The following DNAH11 variants were observed in gnomAD, a reference collection of about 807,000 sequenced individuals.
The protein encoded by DNAH11 is axonemal beta dynein heavy chain 11.
In DNAH11, 442 loss-of-function variants were observed where a neutral mutation model predicts 526.0. The observed-to-expected ratio is 0.84, with a 90% CI of 0.78 to 0.91. The LOEUF (loss-of-function observed/expected upper bound fraction) is 0.91, where lower values mean the gene tolerates loss of function less well. DNAH11 is among the 40% of genes least tolerant of loss of function. DNAH11 has a pLI of 0.00. For synonymous variants in DNAH11, 2,461 were observed against 1,935.9 expected (o/e 1.27, Z -7.12); for missense variants, 6,989 against 5,448.7 (o/e 1.28, Z -8.90).
At chr7:21,857,054 T>G (rs1782880074) in intron 68 of DNAH11, among the ~76,000 whole-genome samples, 1 of 152,212 alleles carries the variant, frequency 6.6e-6, no homozygotes, top group Non-Finnish European at 1.5e-5. Context: ...ATGACCTGAT[T>G]ATGTATATAG....
At chr7:21,799,308 A>G (rs1435947717) in intron 61 of DNAH11, among the ~76,000 whole-genome samples, 1 of 151,918 alleles carries the variant, frequency 6.6e-6, no homozygotes, top group Non-Finnish European at 1.5e-5. Context: ...ATAACCCAGA[A>G]TAGACCTGTA....
Position 21,894,640 on chromosome 7 carries a change from T to G in DNAH11, c.12768T>G (p.Asp4256Glu). 1 of 1,613,556 alleles carries G rather than the reference T, an allele frequency of 6.2e-7. No individual in the cohort carries two copies. Residue 4256 changes from aspartate (D) to glutamate (E), a missense_variant, in exon 78 of 82, where the codon GAT becomes GAG. Coordinates refer to ENST00000409508, the MANE Select transcript of DNAH11 (RefSeq NM_001277115.2). ...STEEKVKNVLDDILEKLPEEF... is the reference protein window; with the variant it reads ...STEEKVKNVLEDILEKLPEEF... ...GATTTAAGGTTAAGAATGTCTTGGA[T>G]GACATTTTGGAGAAACTTCCAGAAG...
At chr7:21,805,662 A>G (rs7788531) in intron 62 of DNAH11, among the ~76,000 whole-genome samples, 60,116 of 152,002 alleles carry the variant, frequency 0.4, 12,702 homozygotes, top group East Asian at 0.82. Flanking sequence ...AATGTCTGAA[A>G]GTTTTGTCAA....
At chr7:21,801,502 A>G (rs1259233553) in intron 62 of DNAH11, among the ~76,000 whole-genome samples, 2 of 152,226 alleles carry the variant, frequency 1.3e-5, no homozygotes. Flanking sequence ...CTGATCTCCA[A>G]CGAAAACAGG....
chr7:21,610,127 G>A (rs759927440), intron 20 of DNAH11, among the ~76,000 whole-genome samples: 6 of 152,100 alleles, frequency 3.9e-5, no homozygotes, highest in Admixed American at 1.3e-4. Context: ...GGTGGCAGGC[G>A]CTTGTAGTCC....
chr7:21,755,066 G>A (rs183534824), intron 54 of DNAH11, among the ~76,000 whole-genome samples: 1 of 152,114 alleles, frequency 6.6e-6, no homozygotes, highest in Non-Finnish European at 1.5e-5. Context: ...AACACACCTG[G>A]CAGGTCGAGC....
chr7:21,717,690 T>G, intron 42 of DNAH11, 85 bp from the exon 43 acceptor site: 1 of 1,513,204 alleles, frequency 6.6e-7, no homozygotes, highest in South Asian at 1.2e-5. Context: ...CACCAAGCTG[T>G]GTCAAAGGAG....
chr7:21,686,232 G>A (rs191970487), intron 32 of DNAH11, among the ~76,000 whole-genome samples: 1 of 152,232 alleles, frequency 6.6e-6, no homozygotes, highest in African/African-American at 2.4e-5. Flanking sequence ...TTTAATAGAG[G>A]AGAAAACTGA....
At position 21,678,038 on chromosome 7, in the gene DNAH11, A is replaced by AT. The variant is rs1268000144; in HGVS notation, c.5329-3501dup. Among the ~76,000 whole-genome samples, 7 of 151,320 alleles carry AT rather than the reference A, an allele frequency of 4.6e-5. No individual in the cohort carries two copies. The East Asian group carries it at 9.7e-4, about 21-fold the overall frequency. ...CATAGGCTACCTTTTTATTTTGTTG[A>AT]TTTTTTTCTGTTGATGTACAGAAAC... On this transcript the variant is annotated intron_variant, in intron 30 of 81. Transcript: ENST00000409508.
At chr7:21,654,237 A>G (rs367756975) in intron 28 of DNAH11, among the ~76,000 whole-genome samples, 14 of 152,232 alleles carry the variant, frequency 9.2e-5, no homozygotes, top group East Asian at 1.9e-4. Flanking sequence ...GTACCTTCTC[A>G]TACCCCTCCC....
At position 21,586,725 on chromosome 7, in the gene DNAH11, C is replaced by G. The variant is rs113163296; in HGVS notation, c.1711-1339C>G. ...GCTAAACAAGGCGTGACCTTGGATA[C>G]AGTTTATCTACCACTGTAAATATAC... On this transcript the variant is annotated intron_variant, in intron 9 of 81. Transcript: ENST00000409508. Among the ~76,000 whole-genome samples, 787 of 152,332 alleles carry G rather than the reference C, an allele frequency of 5.2e-3. 15 individuals carry two copies. The highest frequency in any genetic ancestry group is 0.018 in the African/African-American group (748 of 41,570).
At chr7:21,603,736 A>G (rs1039555445) in intron 18 of DNAH11, among the ~76,000 whole-genome samples, 22 of 152,358 alleles carry the variant, frequency 1.4e-4, no homozygotes, top group Non-Finnish European at 2.8e-4. Flanking sequence ...AGTAGAAACA[A>G]CTATAAATAG....
chr7:21,832,894 T>C (rs1675129904), intron 65 of DNAH11, among the ~76,000 whole-genome samples: 2 of 152,238 alleles, frequency 1.3e-5, no homozygotes, highest in African/African-American at 4.8e-5. Context: ...CAACCCCTGC[T>C]CTAGAAGGAT....
chr7:21,798,994 G>C (rs561126455), intron 61 of DNAH11, among the ~76,000 whole-genome samples: 62 of 151,920 alleles, frequency 4.1e-4, no homozygotes, highest in Admixed American at 6.5e-4. Context: ...GTATGAACCA[G>C]TGCCCTTTAG....
intron 35 of DNAH11, among the ~76,000 whole-genome samples, chr7:21,694,747 T>A (rs1389668849): frequency 6.6e-6 from 1 of 152,244 alleles, no homozygotes; most frequent in Non-Finnish European, 1.5e-5. Context: ...ATGGTATTTC[T>A]GGTTCTAGAT....
chr7:21,776,833 G>C (rs1057412924), intron 56 of DNAH11, among the ~76,000 whole-genome samples: 2 of 152,152 alleles, frequency 1.3e-5, no homozygotes, highest in African/African-American at 4.8e-5. Flanking sequence ...ACATCTTATA[G>C]GTTCAATGGT....
chr7:21,795,752 A>C (rs1261868990), intron 61 of DNAH11, among the ~76,000 whole-genome samples: 1 of 152,202 alleles, frequency 6.6e-6, no homozygotes, highest in Non-Finnish European at 1.5e-5. Flanking sequence ...AGATTTACTA[A>C]ATGCTGTTTA....
At chr7:21,712,010 C>G (rs1307969992) in intron 42 of DNAH11, 150 bp downstream of exon 42, 11 of 962,860 alleles carry the variant, frequency 1.1e-5, no homozygotes, top group Non-Finnish European at 1.5e-5. Context: ...AAGTGACACT[C>G]TTTATCCATT....
At chr7:21,883,657 A>C (rs536319756) in intron 75 of DNAH11, among the ~76,000 whole-genome samples, 1 of 152,258 alleles carries the variant, frequency 6.6e-6, no homozygotes, top group Non-Finnish European at 1.5e-5. Flanking sequence ...GGCCCTGTGA[A>C]CCAACATCCT....
Sources: gnomAD v4.1 joint callset for allele counts (sites outside exome capture counted in the v4.1 genomes callset) on GRCh38, gnomAD v4.1.1 for gene constraint, MANE v1.5 for transcripts, NCBI Gene and HGNC (gene_info 2026-07-23, HGNC 2026-07-21) for gene names.